INPP4B: variants seen among roughly 807,000 people sequenced by gnomAD.
The protein encoded by INPP4B is inositol polyphosphate-4-phosphatase type II B.
A neutral mutation model predicts 122.5 loss-of-function variants in INPP4B; 55 were observed. The ratio of observed to expected loss-of-function variants is 0.45; its 90% CI spans 0.36 to 0.56. The LOEUF (loss-of-function observed/expected upper bound fraction) is 0.56. Among genes scored for constraint, INPP4B ranks in the 20% least tolerant of loss-of-function variants. The probability of loss-of-function intolerance (pLI) is 0.00; values close to 1 mark genes in which losing one functional copy is unlikely to be tolerated. For synonymous variants in INPP4B, 403 were observed against 388.7 expected (o/e 1.04, Z -0.43); for missense variants, 1,000 against 1,097.7 (o/e 0.91, Z 1.26).
chr4:142,555,587 G>A (rs185317064), intron 2 of INPP4B, among the ~76,000 whole-genome samples: 3 of 152,066 alleles, frequency 2.0e-5, no homozygotes, highest in Non-Finnish European at 4.4e-5. Flanking sequence ...AAAGCATTTC[G>A]GCCAGGCGTG....
At chr4:142,209,075 T>A (rs765513666) in intron 12 of INPP4B, 49 bp from the exon 13 acceptor site, 2 of 1,405,068 alleles carry the variant, frequency 1.4e-6, no homozygotes, top group Non-Finnish European at 9.9e-7. Context: ...CTTAAATCCA[T>A]AAACGCATAA....
intron 1 of INPP4B, among the ~76,000 whole-genome samples, chr4:142,821,425 TG>T (rs1780778543): frequency 6.6e-6 from 1 of 152,078 alleles, no homozygotes; most frequent in Admixed American, 6.6e-5. Flanking sequence ...GTTCTTTCTT[TG>T]TTGCTTAGAA....
At chr4:142,045,872 G>C (rs1751076126) in intron 25 of INPP4B, among the ~76,000 whole-genome samples, 1 of 152,016 alleles carries the variant, frequency 6.6e-6, no homozygotes, top group South Asian at 2.1e-4. Context: ...TAGTCAAAAA[G>C]GCAGACCGTA....
chr4:142,786,723 T>C (rs1318952397), intron 1 of INPP4B, among the ~76,000 whole-genome samples: 2 of 152,120 alleles, frequency 1.3e-5, no homozygotes, highest in African/African-American at 4.8e-5. Context: ...CACTCTACAT[T>C]TGTCATTTTC....
intron 2 of INPP4B, among the ~76,000 whole-genome samples, chr4:142,666,106 G>T (rs1025008241): frequency 1.3e-5 from 2 of 152,042 alleles, no homozygotes; most frequent in Admixed American, 6.6e-5. Flanking sequence ...TCACAAAAAA[G>T]GGGGACTACT....
chr4:142,603,638 A>G lies in INPP4B; in HGVS notation c.-191+122201T>C, dbSNP rs181139619. Among the ~76,000 whole-genome samples the G allele has an allele frequency of 2.6e-5, 4 of 152,258 alleles. No individual in the cohort carries two copies. In the East Asian group the frequency reaches 7.7e-4, roughly 29 times the overall value. ...AAGAAATGGACAAATTCCAGGAAAC[A>G]TAAAACTTACCAAAATAAAATCAGA... On this transcript the variant is annotated intron_variant, in intron 2 of 25. Coordinates refer to ENST00000262992, the MANE Select transcript of INPP4B (RefSeq NM_001101669.3).
At chr4:142,108,641 G>A (rs1788411009) in intron 22 of INPP4B, among the ~76,000 whole-genome samples, 1 of 152,162 alleles carries the variant, frequency 6.6e-6, no homozygotes, top group Admixed American at 6.5e-5. Context: ...ACGCAGTCTT[G>A]CCCACACTAT....
intron 9 of INPP4B, among the ~76,000 whole-genome samples, chr4:142,293,333 C>T (rs925760326): frequency 6.6e-6 from 1 of 152,004 alleles, no homozygotes; most frequent in Non-Finnish European, 1.5e-5. Context: ...TTCTATTAAG[C>T]TTAAGTACAT....
chr4:142,268,626 G>A (rs946633714), intron 10 of INPP4B, among the ~76,000 whole-genome samples: 1 of 151,960 alleles, frequency 6.6e-6, no homozygotes, highest in Non-Finnish European at 1.5e-5. Flanking sequence ...TCAGATGAAT[G>A]GAAAAAGGAA....
At chr4:142,453,638 T>G (rs1814780484) in intron 3 of INPP4B, among the ~76,000 whole-genome samples, 2 of 152,084 alleles carry the variant, frequency 1.3e-5, no homozygotes, top group Admixed American at 1.3e-4. Flanking sequence ...ATGACATAAC[T>G]AACTTTTCTC....
chr4:142,736,038 T>C lies in INPP4B; in HGVS notation c.-253-10137A>G, dbSNP rs894919537. 2.0e-5 allele frequency among the ~76,000 whole-genome samples: 3 copies of C among 151,894 alleles called. 1 individual carries two copies. The highest frequency in any genetic ancestry group is 4.2e-4 in the South Asian group (2 of 4,782). On this transcript the variant is annotated intron_variant, in intron 1 of 25. Transcript: ENST00000262992. ...TTTTCTTACCTTCTATGTCACACCA[T>C]TGCCAAAGTCAAATTCTGAGAGTTT...
intron 1 of INPP4B, among the ~76,000 whole-genome samples, chr4:142,798,924 G>C (rs141241576): frequency 0.021 from 3,246 of 151,560 alleles, 53 homozygotes; most frequent in Middle Eastern, 0.058. Flanking sequence ...AACCGGAAAT[G>C]GTGTGATGGT....
At chr4:142,331,500 A>G (rs2151540906) in intron 7 of INPP4B, among the ~76,000 whole-genome samples, 1 of 152,336 alleles carries the variant, frequency 6.6e-6, no homozygotes, top group Middle Eastern at 3.4e-3. Flanking sequence ...AATCAATAGT[A>G]TGAAAATACA....
In INPP4B at chr4:142,271,289, C is replaced by T. The variant is rs72722434; in HGVS notation, c.504-515G>A. 3.1e-3 allele frequency among the ~76,000 whole-genome samples: 472 copies of T among 152,260 alleles called. 2 individuals are homozygous for T. Among genetic ancestry groups the T allele is most frequent in the Non-Finnish European group, 6.0e-3 (405 of 68,020 alleles). On this transcript the variant is annotated intron_variant, in intron 9 of 25. Coordinates refer to ENST00000262992, the MANE Select transcript of INPP4B (RefSeq NM_001101669.3). The stretch of plus-strand genomic sequence containing the variant: ...TCCATGAATGTGTGAGGTAAGAGCA[C>T]GGACTGTCGAAAAGTACCTTAGGAA...
rs2152245461 is a variant in INPP4B at position 142,026,211 on chromosome 4, C to T, written c.*2571G>A. The T allele has an allele frequency of 6.6e-6, 1 of 152,230 alleles. No homozygotes were observed. Among genetic ancestry groups the T allele is most frequent in the East Asian group, 1.9e-4 (1 of 5,182 alleles). The allele number at this position is 152,230 out of a possible 1,614,324, so 9.4% of individuals were successfully genotyped here. A position where few individuals can be genotyped will look rare whatever the true frequency, so the allele number is the denominator to read the frequency against. On this transcript the variant is annotated 3_prime_UTR_variant, in exon 26 of 26. Coordinates refer to ENST00000262992, the MANE Select transcript of INPP4B (RefSeq NM_001101669.3). Reference sequence around the variant, plus strand: ...TGTTTGTTCAAGAGAGATTTAAACACTTTAACATTTGCTCTTTGATTTAGC... The same window carrying T: ...TGTTTGTTCAAGAGAGATTTAAACATTTTAACATTTGCTCTTTGATTTAGC...
At chr4:142,251,301 T>TCAAGCTGTATTTAACATGAAC (rs1479503753) in intron 11 of INPP4B, among the ~76,000 whole-genome samples, 3 of 152,196 alleles carry the variant, frequency 2.0e-5, no homozygotes, top group African/African-American at 7.2e-5. Flanking sequence ...ATAACCTGAA[T>TCAAGCTGTATTTAACATGAAC]CAAGCTGTAT....
chr4:142,176,771 C>G (rs572066579), intron 15 of INPP4B, among the ~76,000 whole-genome samples: 1 of 152,140 alleles, frequency 6.6e-6, no homozygotes, highest in Non-Finnish European at 1.5e-5. Context: ...CCAGAGATAC[C>G]AACGCAGGGA....
rs369174903 is a variant in INPP4B at position 142,760,132 on chromosome 4, T to C, written c.-253-34231A>G. Among the ~76,000 whole-genome samples, 106 of 152,248 alleles carry C rather than the reference T, an allele frequency of 7.0e-4. No homozygotes were observed. The Middle Eastern group carries it at 0.017, about 24-fold the overall frequency. On this transcript the variant is annotated intron_variant, in intron 1 of 25. Transcript: ENST00000262992. ...GATCTGTCAGTGCAGTCACTAAATATACAACTGCCAAAGTTCACAAATATC... is the reference window on the plus strand; with the variant it reads ...GATCTGTCAGTGCAGTCACTAAATACACAACTGCCAAAGTTCACAAATATC...
chr4:142,245,656 G>T lies in INPP4B; in HGVS notation c.689-7645C>A, dbSNP rs544240109. On this transcript the variant is annotated intron_variant, in intron 11 of 25. Coordinates refer to ENST00000262992, the MANE Select transcript of INPP4B (RefSeq NM_001101669.3). ...CTGTTGTTTGCAATAGTTCCAGAAG[G>T]AATGGTACCTGCTCCTCTTTGCTTG... Among the ~76,000 whole-genome samples, 355 of 152,082 alleles carry T rather than the reference G, an allele frequency of 2.3e-3. 1 individual carries two copies. Among genetic ancestry groups the T allele is most frequent in the African/African-American group, 7.8e-3 (325 of 41,498 alleles).
Sources: allele counts gnomAD v4.1 joint callset (sites outside exome capture counted in the v4.1 genomes callset), GRCh38; gene constraint gnomAD v4.1.1; transcripts MANE v1.5; gene names NCBI Gene and HGNC (gene_info 2026-07-23, HGNC 2026-07-21).